The following ANO2 variants were observed in gnomAD, a reference collection of about 807,000 sequenced individuals.
The protein encoded by ANO2 is anoctamin-2.
ANO2 carries 101 observed loss-of-function variants against 124.2 expected under a neutral mutation model. The ratio of observed to expected loss-of-function variants is 0.81; its 90% CI spans 0.69 to 0.96. The LOEUF is 0.96. Ranked by LOEUF, ANO2 falls within the 40% of genes least tolerant of loss-of-function variation. ANO2 has a pLI of 0.00. For missense variants in ANO2, 1,293 were observed against 1,274.5 expected (o/e 1.01, Z -0.22); for synonymous variants, 486 against 482.5 (o/e 1.01, Z -0.09).
intron 19 of ANO2, among the ~76,000 whole-genome samples, chr12:5,610,038 A>AT (rs2136900346): frequency 7.3e-6 from 1 of 137,474 alleles, no homozygotes; most frequent in East Asian, 2.1e-4. Context: ...ATTATAGATA[A>AT]ATATAAATAT....
chr12:5,644,881 T>C (rs937854852), intron 15 of ANO2, among the ~76,000 whole-genome samples: 2 of 152,238 alleles, frequency 1.3e-5, no homozygotes, highest in Non-Finnish European at 1.5e-5. Context: ...GAAGAGGGCA[T>C]TTCATTGTAT....
intron 10 of ANO2, among the ~76,000 whole-genome samples, chr12:5,785,417 T>C (rs2137140250): frequency 6.6e-6 from 1 of 152,254 alleles, no homozygotes; most frequent in African/African-American, 2.4e-5. Flanking sequence ...GGAAGCCCAC[T>C]TTGTGTCTCA....
intron 14 of ANO2, among the ~76,000 whole-genome samples, chr12:5,673,214 A>G (rs927788098): frequency 6.6e-6 from 1 of 152,196 alleles, no homozygotes; most frequent in African/African-American, 2.4e-5. Flanking sequence ...TGGAGGGCTC[A>G]TGCTAGTTTT....
intron 10 of ANO2, among the ~76,000 whole-genome samples, chr12:5,753,116 A>T (rs1398968001): frequency 6.6e-6 from 1 of 152,224 alleles, no homozygotes; most frequent in Non-Finnish European, 1.5e-5. Flanking sequence ...AAAAAAACAC[A>T]GAGTCACAGA....
intron 10 of ANO2, among the ~76,000 whole-genome samples, chr12:5,775,683 G>C (rs557478955): frequency 1.3e-5 from 2 of 152,096 alleles, no homozygotes; most frequent in African/African-American, 4.8e-5. Context: ...GGATGGTCTC[G>C]ATCTTCTGAC....
chr12:5,637,028 G>C (rs182957835), intron 15 of ANO2, among the ~76,000 whole-genome samples: 1 of 150,678 alleles, frequency 6.6e-6, no homozygotes, highest in Admixed American at 6.6e-5. Context: ...GGAGAGGTTA[G>C]ATGGGAAAAA....
intron 3 of ANO2, among the ~76,000 whole-genome samples, chr12:5,879,087 G>C (rs1938308753): frequency 2.0e-5 from 3 of 152,194 alleles, no homozygotes; most frequent in Non-Finnish European, 4.4e-5. Flanking sequence ...TTAAAACATG[G>C]CTTGACACTG....
At chr12:5,613,105 T>G in intron 17 of ANO2, 147 bp from the exon 18 acceptor site, 1 of 746,666 alleles carries the variant, frequency 1.3e-6, no homozygotes. Context: ...GGGATAGGAG[T>G]GCACACTGTT....
Position 5,923,247 on chromosome 12 carries a change from TACAC to T in ANO2, c.23-447_23-444del, listed in dbSNP as rs1941904487. On this transcript the variant is annotated intron_variant, in intron 1 of 24. Coordinates refer to ENST00000682330, the MANE Select transcript of ANO2 (RefSeq NM_001364791.2). ...ACACATGCACACATACACACACGCA[TACAC>T]ACACATACACACACACACACACACA... Among the ~76,000 whole-genome samples, 3 of 42,856 alleles carry T rather than the reference TACAC, an allele frequency of 7.0e-5. 1 individual carries two copies. The highest frequency in any genetic ancestry group is 2.9e-4 in the African/African-American group (3 of 10,406). The allele number at this position is 42,856 out of a possible 152,430, so 28.1% of individuals were successfully genotyped here. A position where few individuals can be genotyped will look rare whatever the true frequency, so the allele number is the denominator to read the frequency against.
chr12:5,885,679 C>T (rs1938841686), intron 3 of ANO2, among the ~76,000 whole-genome samples: 2 of 152,198 alleles, frequency 1.3e-5, no homozygotes, highest in Non-Finnish European at 2.9e-5. Context: ...TGCAACGTTA[C>T]TAGCTAGCCC....
At chr12:5,711,963 A>G (rs572622474) in intron 14 of ANO2, among the ~76,000 whole-genome samples, 1 of 152,298 alleles carries the variant, frequency 6.6e-6, no homozygotes, top group South Asian at 2.1e-4. Flanking sequence ...AAGCACACGT[A>G]TATCAGCCCA....
Position 5,921,411 on chromosome 12 carries a change from G to T in ANO2, c.208-45C>A, listed in dbSNP as rs760471139. 5 of 1,573,588 alleles carry T rather than the reference G, an allele frequency of 3.2e-6. No homozygotes were observed. The South Asian group carries it at 4.6e-5, about 14-fold the overall frequency. On this transcript the variant is annotated intron_variant, in intron 2 of 24. Transcript: ENST00000682330. Reference sequence around the variant, plus strand: ...AGGCAGGGCAAGGTCTGGTGAGTAAGGGGTGAGAAACAGAGGAGGCTGATC... The same window carrying T: ...AGGCAGGGCAAGGTCTGGTGAGTAATGGGTGAGAAACAGAGGAGGCTGATC...
intron 14 of ANO2, among the ~76,000 whole-genome samples, chr12:5,673,754 G>A (rs2136991086): frequency 6.6e-6 from 1 of 152,306 alleles, no homozygotes; most frequent in East Asian, 1.9e-4. Context: ...CAAGCCAGTG[G>A]TCACTTCCTA....
At chr12:5,722,785 T>C (rs71459966) in intron 14 of ANO2, among the ~76,000 whole-genome samples, 7,975 of 152,306 alleles carry the variant, frequency 0.052, 340 homozygotes, top group Non-Finnish European at 0.08. Flanking sequence ...TATGAATTTA[T>C]ACGTGAATAA....
Position 5,666,459 on chromosome 12 carries a change from G to A in ANO2, c.1546-18658C>T, listed in dbSNP as rs556458916. 5.9e-5 allele frequency among the ~76,000 whole-genome samples: 9 copies of A among 152,274 alleles called. No homozygotes were observed. The South Asian group carries it at 1.9e-3, about 32-fold the overall frequency. On this transcript the variant is annotated intron_variant, in intron 14 of 24. Coordinates refer to ENST00000682330, the MANE Select transcript of ANO2 (RefSeq NM_001364791.2). The stretch of plus-strand genomic sequence containing the variant: ...AGGTATCCCAGGACTGCCCGAGTCA[G>A]GGCTCACCATCACCACTGGTTGACA...
In ANO2 at chr12:5,920,494, C is replaced by T. The variant is rs570776637; in HGVS notation, c.534+546G>A. On this transcript the variant is annotated intron_variant, in intron 3 of 24. Coordinates refer to ENST00000682330, the MANE Select transcript of ANO2 (RefSeq NM_001364791.2). The stretch of plus-strand genomic sequence containing the variant: ...AGAACAGATTGGCACACCACCACCC[C>T]ACCACTACTACCTGGAATCCCCTAA... 3.3e-5 allele frequency among the ~76,000 whole-genome samples: 5 copies of T among 152,258 alleles called. No individual in the cohort carries two copies. In the East Asian group the frequency reaches 9.7e-4, roughly 29 times the overall value.
intron 19 of ANO2, among the ~76,000 whole-genome samples, chr12:5,603,704 G>C (rs1263767379): frequency 6.6e-6 from 1 of 152,118 alleles, no homozygotes; most frequent in Non-Finnish European, 1.5e-5. Context: ...CCAGCACTTT[G>C]GGAAGCCGAG....
At chr12:5,592,514 G>A (rs532258403) in intron 20 of ANO2, among the ~76,000 whole-genome samples, 2 of 152,194 alleles carry the variant, frequency 1.3e-5, no homozygotes, top group Non-Finnish European at 2.9e-5. Context: ...TGCAAAACAA[G>A]AGCCAGCTTG....
chr12:5,943,324 C>T (rs539504739), intron 1 of ANO2, among the ~76,000 whole-genome samples: 1 of 150,160 alleles, frequency 6.7e-6, no homozygotes, highest in Non-Finnish European at 1.5e-5. Flanking sequence ...TAATACTACT[C>T]GGCCATGAAA....
Sources: allele counts gnomAD v4.1 joint callset (sites outside exome capture counted in the v4.1 genomes callset), GRCh38; gene constraint gnomAD v4.1.1; transcripts MANE v1.5; gene names NCBI Gene and HGNC (gene_info 2026-07-23, HGNC 2026-07-21).